Variants in DPYD observed in about 807,000 individuals in gnomAD.
The protein encoded by DPYD is dihydropyrimidine dehydrogenase, also known as dihydropyrimidine dehydrogenase [NADP(+)].
Under a neutral mutation model 116.2 loss-of-function variants are expected in DPYD, and 109 were observed. That is an observed-to-expected ratio of 0.94 (90% CI 0.80 to 1.10). DPYD has a LOEUF of 1.10. DPYD is among the 50% of genes least tolerant of loss of function. The pLI, the probability that DPYD is intolerant of heterozygous loss-of-function variation, is 0.00. For missense variants in DPYD, 1,302 were observed against 1,254.5 expected, an observed-to-expected ratio of 1.04 and a Z score of -0.57; for synonymous variants, 440 against 432.0, an observed-to-expected ratio of 1.02 and a Z score of -0.23.
chr1:97,599,838 A>G (rs951322335), intron 8 of DPYD, among the ~76,000 whole-genome samples: 2 of 132,868 alleles, frequency 1.5e-5, no homozygotes, highest in Non-Finnish European at 3.1e-5. Context: ...AGCCTGACCA[A>G]CATGACAAAA....
chr1:97,146,814 T>A (rs2101708316), intron 20 of DPYD, among the ~76,000 whole-genome samples: 1 of 152,238 alleles, frequency 6.6e-6, no homozygotes, highest in East Asian at 1.9e-4. Flanking sequence ...TAAATATGAA[T>A]ATATGTATAA....
intron 8 of DPYD, among the ~76,000 whole-genome samples, chr1:97,648,418 T>C (rs745346046): frequency 1.1e-4 from 16 of 152,018 alleles, no homozygotes; most frequent in Non-Finnish European, 2.1e-4. Flanking sequence ...ATAGATACTA[T>C]GTCATGTGTT....
chr1:97,238,891 C>T (rs1662131247), intron 18 of DPYD, among the ~76,000 whole-genome samples: 1 of 152,160 alleles, frequency 6.6e-6, no homozygotes, highest in African/African-American at 2.4e-5. Flanking sequence ...ATGGGGAATT[C>T]AGTTACATCA....
rs529254808 is a variant in DPYD at position 97,269,961 on chromosome 1, T to C, written c.2300-34967A>G. On this transcript the variant is annotated intron_variant, in intron 18 of 22. Coordinates refer to ENST00000370192, the MANE Select transcript of DPYD (RefSeq NM_000110.4). ...ATAAGATTTAATTGCCCAAATTCCC[T>C]CTGAAAAGCATATGAGATTATGTCA... Among the ~76,000 whole-genome samples the C allele has an allele frequency of 2.6e-5, 4 of 152,284 alleles. No individual in the cohort carries two copies. In the South Asian group the frequency reaches 8.3e-4, roughly 32 times the overall value.
intron 10 of DPYD, among the ~76,000 whole-genome samples, chr1:97,575,904 GA>G (rs952713498): frequency 3.7e-4 from 56 of 152,128 alleles, no homozygotes; most frequent in Admixed American, 3.5e-3. Flanking sequence ...GCTATTTTCT[GA>G]ATTCACTTTT....
chr1:97,411,325 C>A (rs1056849879), intron 14 of DPYD, among the ~76,000 whole-genome samples: 5 of 152,122 alleles, frequency 3.3e-5, no homozygotes, highest in Non-Finnish European at 7.4e-5. Context: ...TATTCCTGCA[C>A]AAATCAAGTC....
At chr1:97,767,755 CTTTTTTTT>C (rs34390188) in intron 3 of DPYD, among the ~76,000 whole-genome samples, 4 of 112,486 alleles carry the variant, frequency 3.6e-5, no homozygotes, top group Admixed American at 9.6e-5. Context: ...TTGGGGCTGG[CTTTTTTTT>C]TTTTTTTTTT....
At chr1:97,532,508 T>C (rs1649700705) in intron 12 of DPYD, among the ~76,000 whole-genome samples, 1 of 152,188 alleles carries the variant, frequency 6.6e-6, no homozygotes, top group South Asian at 2.1e-4. Flanking sequence ...CACCTGGTCG[T>C]AGGCTTTCCT....
At chr1:97,389,929 T>A (rs550356897) in intron 14 of DPYD, among the ~76,000 whole-genome samples, 3 of 151,700 alleles carry the variant, frequency 2.0e-5, no homozygotes, top group South Asian at 2.1e-4. Context: ...AATAAAAGAA[T>A]CAAATTTAAT....
chr1:97,451,410 A>G (rs2101796888), intron 13 of DPYD, among the ~76,000 whole-genome samples: 1 of 152,330 alleles, frequency 6.6e-6, no homozygotes, highest in Admixed American at 6.5e-5. Flanking sequence ...ATTTACATTC[A>G]CTTTTACATG....
intron 20 of DPYD, among the ~76,000 whole-genome samples, chr1:97,182,702 C>G (rs1319545816): frequency 6.6e-6 from 1 of 151,996 alleles, no homozygotes; most frequent in African/African-American, 2.4e-5. Context: ...GGCTTTCATT[C>G]CCTTCCCTTC....
chr1:97,621,314 C>T (rs1048876664), intron 8 of DPYD, among the ~76,000 whole-genome samples: 2 of 151,894 alleles, frequency 1.3e-5, no homozygotes, highest in African/African-American at 4.8e-5. Context: ...TTATGGGAGT[C>T]AGGTGTTTTC....
intron 8 of DPYD, among the ~76,000 whole-genome samples, chr1:97,649,851 G>T (rs1367573541): frequency 1.3e-5 from 2 of 152,070 alleles, no homozygotes; most frequent in Non-Finnish European, 2.9e-5. Context: ...AGGTTCCATA[G>T]TTGGCAAAGA....
rs577135283 is a variant in DPYD at position 97,518,052 on chromosome 1, A to G, written c.1525-2111T>C. The stretch of plus-strand genomic sequence containing the variant: ...TTATGTAGTTTTAAATAAATAAGTA[A>G]TTGCTTTGAAATTCTTACGAACATT... On this transcript the variant is annotated intron_variant, in intron 12 of 22. Transcript: ENST00000370192. Among the ~76,000 whole-genome samples, 294 of 152,266 alleles carry G rather than the reference A, an allele frequency of 1.9e-3. 3 individuals are homozygous for G. The highest frequency in any genetic ancestry group is 2.4e-3 in the Non-Finnish European group (160 of 68,000).
intron 2 of DPYD, among the ~76,000 whole-genome samples, chr1:97,882,632 G>A (rs1043589939): frequency 6.6e-6 from 1 of 151,920 alleles, no homozygotes; most frequent in Admixed American, 6.6e-5. Flanking sequence ...CACCTTTAAG[G>A]TTGTACTTAT....
At chr1:97,640,846 A>T (rs1018600140) in intron 8 of DPYD, among the ~76,000 whole-genome samples, 1 of 152,142 alleles carries the variant, frequency 6.6e-6, no homozygotes, top group African/African-American at 2.4e-5. Flanking sequence ...ACAGAGGCCA[A>T]AACAGTGATA....
At chr1:97,672,505 A>C (rs1030902621) in intron 8 of DPYD, among the ~76,000 whole-genome samples, 4 of 152,168 alleles carry the variant, frequency 2.6e-5, no homozygotes, top group Admixed American at 2.0e-4. Flanking sequence ...CAATATTACA[A>C]ATTAAAAAAA....
chr1:97,207,732 G>A (rs1382064592), intron 19 of DPYD, among the ~76,000 whole-genome samples: 1 of 152,086 alleles, frequency 6.6e-6, no homozygotes, highest in East Asian at 1.9e-4. Context: ...ACAGAGCCCA[G>A]AGACGCTAAG....
intron 20 of DPYD, among the ~76,000 whole-genome samples, chr1:97,138,961 T>C (rs1654003702): frequency 6.6e-6 from 1 of 152,260 alleles, no homozygotes; most frequent in Non-Finnish European, 1.5e-5. Context: ...TTGTGGGTAG[T>C]AAATATTACC....
Sources: gnomAD v4.1 joint callset for allele counts (sites outside exome capture counted in the v4.1 genomes callset) on GRCh38, gnomAD v4.1.1 for gene constraint, MANE v1.5 for transcripts, NCBI Gene and HGNC (gene_info 2026-07-23, HGNC 2026-07-21) for gene names.